Variants in LIN54 observed in about 807,000 individuals in gnomAD.
LIN54 encodes lin-54 DREAM MuvB core complex component, also known as protein lin-54 homolog.
Under a neutral mutation model 78.7 loss-of-function variants are expected in LIN54, and 9 were observed. The ratio of observed to expected loss-of-function variants is 0.11; its 90% confidence interval spans 0.07 to 0.20. The LOEUF (loss-of-function observed/expected upper bound fraction) is 0.20. LIN54 is among the 10% of genes least tolerant of loss of function. The pLI is 1.00. For synonymous variants in LIN54, 269 were observed against 318.4 expected (o/e 0.84, Z 1.65); for missense variants, 573 against 889.9 (o/e 0.64, Z 4.53).
rs1275216045 is a variant in LIN54 at position 82,971,077 on chromosome 4, CT to C, written c.809-609del. ...CATGAAAAACTCTAGTGTCTGGATGCTTGGGGAACTGAAAACCATATTACAT... is the reference window on the plus strand; with the variant it reads ...CATGAAAAACTCTAGTGTCTGGATGCTGGGGAACTGAAAACCATATTACAT... On this transcript the variant is annotated intron_variant, in intron 3 of 12. Coordinates refer to ENST00000340417, the MANE Select transcript of LIN54 (RefSeq NM_194282.4). Among the ~76,000 whole-genome samples the C allele has an allele frequency of 3.3e-5, 5 of 152,226 alleles. No homozygotes were observed. The East Asian group carries it at 9.7e-4, about 29-fold the overall frequency.
At chr4:82,983,812 T>C (rs2126086307) in intron 2 of LIN54, among the ~76,000 whole-genome samples, 1 of 152,256 alleles carries the variant, frequency 6.6e-6, no homozygotes, top group Middle Eastern at 3.4e-3. Flanking sequence ...GTTGTCTACA[T>C]GATTTTTTTG....
chr4:82,972,195 C>T (rs1377837008), intron 3 of LIN54, among the ~76,000 whole-genome samples: 1 of 151,998 alleles, frequency 6.6e-6, no homozygotes, highest in Admixed American at 6.6e-5. Flanking sequence ...GCTGGGACCA[C>T]AGGCACGTGC....
chr4:82,938,474 TTGCTATTGATACATA>T lies in LIN54; in HGVS notation c.1456_1470del (p.Tyr486_Ala490del). The T allele has an allele frequency of 1.9e-6, 3 of 1,611,184 alleles. No homozygotes were observed. The highest frequency in any genetic ancestry group is 2.5e-6 in the Non-Finnish European group (3 of 1,177,374). ...GATGTTCCAGTAAAGGTAGAGTTGC[TTGCTATTGATACATA>T]TGAAGACTGCTGTAGCTACATGTAA... is the stretch of plus-strand genomic sequence containing the variant. On this transcript the variant is annotated inframe_deletion, in exon 8 of 13. Transcript: ENST00000340417.
chr4:82,932,337 T>C (rs1394032076), intron 11 of LIN54, among the ~76,000 whole-genome samples: 5 of 150,554 alleles, frequency 3.3e-5, no homozygotes, highest in Admixed American at 1.3e-4. Flanking sequence ...ACCTCGTGAT[T>C]CACCCGCCTC....
At position 82,938,506 on chromosome 4, in the gene LIN54, T is replaced by A. The variant is rs753720649; in HGVS notation, c.1441-2A>T. 1 of 1,557,036 alleles carries A rather than the reference T, an allele frequency of 6.4e-7. No individual in the cohort carries two copies. The highest frequency in any genetic ancestry group is 8.8e-7 in the Non-Finnish European group (1 of 1,130,932). On this transcript the variant is annotated splice_acceptor_variant, in intron 7 of 12. Transcript: ENST00000340417. LOFTEE classifies it high-confidence loss of function. ...TGATACATATGAAGACTGCTGTAGCTACATGTAAAGAAAATTAATTTTAGA... is the reference window on the plus strand; with the variant it reads ...TGATACATATGAAGACTGCTGTAGCAACATGTAAAGAAAATTAATTTTAGA...
chr4:82,926,263 TTGA>T lies in LIN54; in HGVS notation c.*1836_*1838del. 6.6e-6 allele frequency: 1 copy of T among 152,498 alleles called. No homozygotes were observed. Among genetic ancestry groups the T allele is most frequent in the Non-Finnish European group, 1.5e-5 (1 of 67,982 alleles). 9.4% of individuals were successfully genotyped at this position (152,498 alleles called of 1,614,324 possible). A position where few individuals can be genotyped will look rare whatever the true frequency, so the allele number is the denominator to read the frequency against. Reference sequence around the variant, plus strand: ...TTATTGCAATCTTTTGAAAAATAACTTGATTATTATTTTACCCTCTTACACTAA... The same window carrying T: ...TTATTGCAATCTTTTGAAAAATAACTTTATTATTTTACCCTCTTACACTAA... On this transcript the variant is annotated 3_prime_UTR_variant, in exon 13 of 13. Coordinates refer to ENST00000340417, the MANE Select transcript of LIN54 (RefSeq NM_194282.4).
intron 2 of LIN54, among the ~76,000 whole-genome samples, chr4:82,983,007 G>GTT (rs66577460): frequency 4.3e-5 from 5 of 116,960 alleles, no homozygotes; most frequent in Non-Finnish European, 5.6e-5. Flanking sequence ...TGCATTTCTT[G>GTT]TTTTTTTTTT....
chr4:83,000,419 C>T (rs1233918159), intron 1 of LIN54, among the ~76,000 whole-genome samples: 1 of 152,168 alleles, frequency 6.6e-6, no homozygotes, highest in Non-Finnish European at 1.5e-5. Context: ...ACACCAGCTG[C>T]CACTCTTCCA....
At chr4:82,963,658 A>G (rs1386655596) in intron 4 of LIN54, among the ~76,000 whole-genome samples, 1 of 143,682 alleles carries the variant, frequency 7.0e-6, no homozygotes, top group Non-Finnish European at 1.5e-5. Flanking sequence ...GTCAAAATGT[A>G]TATTTGATTG....
chr4:83,004,398 C>CAAAAAAAAAAAAAAAAA, intron 1 of LIN54, among the ~76,000 whole-genome samples: 1 of 100,946 alleles, frequency 9.9e-6, no homozygotes, highest in Non-Finnish European at 1.9e-5. Flanking sequence ...GACTCCGTTG[C>CAAAAAAAAAAAAAAAAA]AAAAAAAAAA....
chr4:82,942,561 A>G (rs1230063867), intron 5 of LIN54, among the ~76,000 whole-genome samples: 2 of 152,176 alleles, frequency 1.3e-5, no homozygotes, highest in Non-Finnish European at 2.9e-5. Flanking sequence ...GGTTATAATA[A>G]CCATTGTAGA....
At chr4:82,934,329 C>A (rs913305810) in intron 11 of LIN54, among the ~76,000 whole-genome samples, 2 of 152,148 alleles carry the variant, frequency 1.3e-5, no homozygotes, top group African/African-American at 4.8e-5. Flanking sequence ...TCGCTTGAAC[C>A]CAGGAGACGG....
intron 4 of LIN54, among the ~76,000 whole-genome samples, chr4:82,957,565 T>C (rs768527121): frequency 6.6e-6 from 1 of 152,100 alleles, no homozygotes; most frequent in Non-Finnish European, 1.5e-5. Context: ...CCAATCAGAG[T>C]AGTGATCTTC....
intron 11 of LIN54, 61 bp downstream of exon 11, chr4:82,935,920 G>A (rs1722360326): frequency 2.7e-6 from 4 of 1,504,494 alleles, no homozygotes; most frequent in Admixed American, 1.7e-5. Context: ...GTAAATTTTT[G>A]TAGTAGGTCC....
chr4:82,982,517 C>A (rs1016031102), intron 2 of LIN54, among the ~76,000 whole-genome samples: 1 of 152,156 alleles, frequency 6.6e-6, no homozygotes, highest in Admixed American at 6.6e-5. Flanking sequence ...GGTTCGTGAG[C>A]CACCACACCT....
intron 4 of LIN54, among the ~76,000 whole-genome samples, chr4:82,952,625 A>C (rs1723931573): frequency 6.6e-6 from 1 of 152,226 alleles, no homozygotes; most frequent in African/African-American, 2.4e-5. Flanking sequence ...ATTCAAAAGA[A>C]TTAAAAGTAG....
At chr4:82,993,506 C>T (rs1017809684) in intron 1 of LIN54, among the ~76,000 whole-genome samples, 5 of 152,016 alleles carry the variant, frequency 3.3e-5, no homozygotes, top group Non-Finnish European at 5.9e-5. Context: ...CGGTGAGCCA[C>T]CGCGCCCGGC....
At chr4:83,009,917 A>G (rs143992908) in intron 1 of LIN54, among the ~76,000 whole-genome samples, 1 of 152,360 alleles carries the variant, frequency 6.6e-6, no homozygotes, top group African/African-American at 2.4e-5. Context: ...ATAGAGAAGA[A>G]CTTCCCTGAA....
intron 4 of LIN54, among the ~76,000 whole-genome samples, chr4:82,962,856 A>G (rs547423248): frequency 1.4e-4 from 21 of 152,178 alleles, no homozygotes; most frequent in African/African-American, 5.1e-4. Flanking sequence ...AACTCTATTA[A>G]ATATACTAAA....
Sources: allele counts gnomAD v4.1 joint callset (sites outside exome capture counted in the v4.1 genomes callset), GRCh38; gene constraint gnomAD v4.1.1; transcripts MANE v1.5; gene names NCBI Gene and HGNC (gene_info 2026-07-23, HGNC 2026-07-21).